Variants in GRM7 observed in about 807,000 individuals in gnomAD.
The protein encoded by GRM7 is glutamate metabotropic receptor 7.
In GRM7, 35 loss-of-function variants were observed where a neutral mutation model predicts 84.5. The ratio of observed to expected loss-of-function variants is 0.41; its 90% CI spans 0.32 to 0.55. The LOEUF (loss-of-function observed/expected upper bound fraction) is 0.55, where lower values mean the gene tolerates loss of function less well. Among genes scored for constraint, GRM7 ranks in the 20% least tolerant of loss-of-function variants. The pLI is 0.19. For missense variants in GRM7, 1,003 were observed against 1,194.6 expected, an observed-to-expected ratio of 0.84 and a Z score of 2.36; for synonymous variants, 487 against 455.1, an observed-to-expected ratio of 1.07 and a Z score of -0.89.
intron 7 of GRM7, among the ~76,000 whole-genome samples, chr3:7,498,346 A>C (rs1699774157): frequency 6.6e-6 from 1 of 152,204 alleles, no homozygotes; most frequent in South Asian, 2.1e-4. Flanking sequence ...TGGGCACAGT[A>C]ATTTGGGTTG....
intron 7 of GRM7, among the ~76,000 whole-genome samples, chr3:7,512,741 TC>T (rs1448889220): frequency 6.6e-6 from 1 of 152,096 alleles, no homozygotes; most frequent in Non-Finnish European, 1.5e-5. Context: ...AACATTTTTA[TC>T]CAACCTGGAG....
intron 6 of GRM7, among the ~76,000 whole-genome samples, chr3:7,458,905 A>T (rs540660991): frequency 6.6e-6 from 1 of 152,352 alleles, no homozygotes; most frequent in East Asian, 1.9e-4. Context: ...TTTCTTTGCT[A>T]ATAACATGTG....
chr3:7,395,601 G>A (rs1454990317), intron 4 of GRM7, among the ~76,000 whole-genome samples: 1 of 152,126 alleles, frequency 6.6e-6, no homozygotes, highest in Admixed American at 6.6e-5. Flanking sequence ...TCTTCATACT[G>A]TCCTCATGGT....
chr3:7,660,849 G>T (rs979081986), intron 8 of GRM7, among the ~76,000 whole-genome samples: 1 of 137,194 alleles, frequency 7.3e-6, no homozygotes, highest in Non-Finnish European at 1.7e-5. Context: ...CTTGGCAAAG[G>T]CAGAAGGGCA....
At chr3:7,038,267 A>T (rs1696454182) in intron 1 of GRM7, among the ~76,000 whole-genome samples, 1 of 152,218 alleles carries the variant, frequency 6.6e-6, no homozygotes, top group South Asian at 2.1e-4. Flanking sequence ...TCTACAGCTA[A>T]CCAAGAAGGG....
chr3:7,535,079 G>A lies in GRM7; in HGVS notation c.1516-43343G>A, dbSNP rs370655548. 8.1e-4 allele frequency among the ~76,000 whole-genome samples: 123 copies of A among 152,206 alleles called. 2 individuals carry two copies. The South Asian group carries it at 0.016, about 20-fold the overall frequency. ...CATCCAGAAATGACTATGCACTGAC[G>A]GATCAATTGCCATTTCTTCCTATGT... is the stretch of plus-strand genomic sequence containing the variant. On this transcript the variant is annotated intron_variant, in intron 7 of 9. Transcript: ENST00000357716.
At chr3:7,337,477 C>G (rs186532760) in intron 4 of GRM7, among the ~76,000 whole-genome samples, 32 of 152,020 alleles carry the variant, frequency 2.1e-4, no homozygotes, top group African/African-American at 7.5e-4. Context: ...TAAACAGACA[C>G]CCCACAGAGT....
chr3:7,565,183 T>C (rs1017415766), intron 7 of GRM7, among the ~76,000 whole-genome samples: 61 of 152,224 alleles, frequency 4.0e-4, no homozygotes, highest in African/African-American at 1.4e-3. Context: ...AATTACACTT[T>C]AACTCAAATT....
intron 1 of GRM7, among the ~76,000 whole-genome samples, chr3:6,921,550 T>C (rs2125031865): frequency 6.6e-6 from 1 of 152,198 alleles, no homozygotes; most frequent in African/African-American, 2.4e-5. Context: ...ATGCCCAGCC[T>C]CATATAAACT....
At chr3:7,660,892 T>C (rs1217502478) in intron 8 of GRM7, among the ~76,000 whole-genome samples, 1 of 152,158 alleles carries the variant, frequency 6.6e-6, no homozygotes, top group Admixed American at 6.5e-5. Context: ...TTTCAACAAA[T>C]GATTCTAGAG....
chr3:6,948,992 G>A (rs1402207506), intron 1 of GRM7, among the ~76,000 whole-genome samples: 1 of 152,140 alleles, frequency 6.6e-6, no homozygotes, highest in Non-Finnish European at 1.5e-5. Flanking sequence ...ACACTGATGG[G>A]TCTTGACTCT....
intron 1 of GRM7, among the ~76,000 whole-genome samples, chr3:7,004,231 A>G (rs574823131): frequency 6.6e-6 from 1 of 152,344 alleles, no homozygotes; most frequent in African/African-American, 2.4e-5. Context: ...ACAGGAGGTG[A>G]GAATAATTTG....
At position 7,031,298 on chromosome 3, in the gene GRM7, A is replaced by T. The variant is rs377144111; in HGVS notation, c.520-115154A>T. 3.3e-5 allele frequency among the ~76,000 whole-genome samples: 5 copies of T among 152,244 alleles called. No individual in the cohort carries two copies. In the East Asian group the frequency reaches 9.6e-4, roughly 29 times the overall value. ...TGAAATGCTCTTTTGTGGGCTTAGG[A>T]TGCATTTCCCTTGATTTAGTTCAGA... On this transcript the variant is annotated intron_variant, in intron 1 of 9. Transcript: ENST00000357716.
In GRM7 at chr3:7,655,809, G is replaced by A. The variant is rs370419369; in HGVS notation, c.2452-24240G>A. 2.9e-3 allele frequency among the ~76,000 whole-genome samples: 434 copies of A among 152,216 alleles called. 7 individuals carry two copies. Among genetic ancestry groups the A allele is most frequent in the Middle Eastern group, 0.017 (5 of 294 alleles). ...GGAGAAAAAACTTCTCACCCTGAAT[G>A]GAAATCTGTTTACCCATGCACTTTT... On this transcript the variant is annotated intron_variant, in intron 8 of 9. Coordinates refer to ENST00000357716, the MANE Select transcript of GRM7 (RefSeq NM_000844.4).
chr3:7,555,361 G>T (rs1270411536), intron 7 of GRM7, among the ~76,000 whole-genome samples: 2 of 152,114 alleles, frequency 1.3e-5, no homozygotes, highest in Non-Finnish European at 2.9e-5. Flanking sequence ...AATTTCACCT[G>T]ATCCTTTGTT....
At chr3:6,887,405 A>G (rs574400535) in intron 1 of GRM7, among the ~76,000 whole-genome samples, 5 of 150,070 alleles carry the variant, frequency 3.3e-5, no homozygotes, top group Non-Finnish European at 7.4e-5. Context: ...AACAGTCCAC[A>G]GAGTGTGATG....
At chr3:6,875,096 G>T (rs1231204031) in intron 1 of GRM7, among the ~76,000 whole-genome samples, 1 of 152,024 alleles carries the variant, frequency 6.6e-6, no homozygotes, top group Non-Finnish European at 1.5e-5. Flanking sequence ...TTTCAGTTTT[G>T]TTGAATTGTG....
chr3:7,306,674 G>C, intron 4 of GRM7, 22 bp downstream of exon 4: 1 of 1,557,960 alleles, frequency 6.4e-7, no homozygotes, highest in Non-Finnish European at 8.7e-7. Flanking sequence ...ATCAGCAGTA[G>C]GTTTGCTGAG....
At chr3:7,135,486 C>T (rs1295791436) in intron 1 of GRM7, among the ~76,000 whole-genome samples, 2 of 152,170 alleles carry the variant, frequency 1.3e-5, no homozygotes, top group Non-Finnish European at 2.9e-5. Flanking sequence ...GTGGAAACTA[C>T]CCTCTAGAAC....
Sources: allele counts gnomAD v4.1 joint callset (sites outside exome capture counted in the v4.1 genomes callset), GRCh38; gene constraint gnomAD v4.1.1; transcripts MANE v1.5; gene names NCBI Gene and HGNC (gene_info 2026-07-23, HGNC 2026-07-21).